The following PITPNC1 variants were observed in gnomAD, a reference collection of about 807,000 sequenced individuals.
The protein encoded by PITPNC1 is phosphatidylinositol transfer protein cytoplasmic 1.
A neutral mutation model predicts 44.7 loss-of-function variants in PITPNC1; 18 were observed. That is an observed-to-expected ratio of 0.40 (90% CI 0.28 to 0.60). The LOEUF (loss-of-function observed/expected upper bound fraction) is 0.60. PITPNC1 is among the 20% of genes least tolerant of loss of function. The probability of loss-of-function intolerance (pLI) is 0.39; values close to 1 mark genes in which losing one functional copy is unlikely to be tolerated. For synonymous variants in PITPNC1, 141 were observed against 149.6 expected (o/e 0.94, Z 0.42); for missense variants, 290 against 418.4 (o/e 0.69, Z 2.68).
intron 5 of PITPNC1, among the ~76,000 whole-genome samples, chr17:67,585,151 C>T (rs1057086549): frequency 2.0e-5 from 3 of 151,558 alleles, no homozygotes; most frequent in African/African-American, 4.8e-5. Context: ...ACAAACCAGC[C>T]CTCCATTAAT....
At chr17:67,422,148 C>T (rs1042208885) in intron 1 of PITPNC1, among the ~76,000 whole-genome samples, 1 of 152,142 alleles carries the variant, frequency 6.6e-6, no homozygotes, top group Non-Finnish European at 1.5e-5. Flanking sequence ...TGCCAACATA[C>T]GCTTCCAATG....
intron 1 of PITPNC1, among the ~76,000 whole-genome samples, chr17:67,486,686 T>A (rs1291793469): frequency 6.6e-6 from 1 of 152,102 alleles, no homozygotes. Flanking sequence ...TGTAGACACA[T>A]AACGAGGAAT....
intron 5 of PITPNC1, among the ~76,000 whole-genome samples, chr17:67,581,393 T>C (rs2041232068): frequency 6.6e-6 from 1 of 152,230 alleles, no homozygotes; most frequent in South Asian, 2.1e-4. Flanking sequence ...TCTCAGCTGT[T>C]GTAGCCTGGC....
chr17:67,659,444 C>G (rs1466552367), intron 6 of PITPNC1, among the ~76,000 whole-genome samples: 1 of 152,188 alleles, frequency 6.6e-6, no homozygotes, highest in Admixed American at 6.6e-5. Flanking sequence ...CTTGGGCCTC[C>G]TCATATCATG....
At chr17:67,421,295 T>G (rs2038669924) in intron 1 of PITPNC1, among the ~76,000 whole-genome samples, 1 of 152,142 alleles carries the variant, frequency 6.6e-6, no homozygotes, top group South Asian at 2.1e-4. Flanking sequence ...TATTTATTTA[T>G]TTTTGAGATG....
chr17:67,632,454 G>A (rs1262126247), intron 6 of PITPNC1: 1 of 549,252 alleles, frequency 1.8e-6, no homozygotes, highest in African/African-American at 1.9e-5. Context: ...TCTCCACTTA[G>A]TTTTCCTGTC....
rs183653378 is a variant in PITPNC1, at chr17:67,553,522, G to A, written c.287-88G>A. On this transcript the variant is annotated intron_variant, in intron 3 of 8. Transcript: ENST00000581322. ...GTTCGTCAGTATTTGTTAGTTCTGTGGTTTTTATATTGCATATAAGCATGA... is the reference window on the plus strand; with the variant it reads ...GTTCGTCAGTATTTGTTAGTTCTGTAGTTTTTATATTGCATATAAGCATGA... 444 of 556,332 alleles carry A rather than the reference G, an allele frequency of 8.0e-4. 2 individuals are homozygous for A. The highest frequency in any genetic ancestry group is 7.9e-3 in the African/African-American group (408 of 51,414). The allele number at this position is 556,332 out of a possible 1,614,324, so 34.5% of individuals were successfully genotyped here.
At chr17:67,497,436 T>A (rs1240918875) in intron 1 of PITPNC1, among the ~76,000 whole-genome samples, 1 of 151,546 alleles carries the variant, frequency 6.6e-6, no homozygotes, top group African/African-American at 2.4e-5. Flanking sequence ...TAAATAAAAC[T>A]TTATTTTCTT....
At chr17:67,528,610 G>A (rs1042156489) in intron 1 of PITPNC1, among the ~76,000 whole-genome samples, 1 of 152,124 alleles carries the variant, frequency 6.6e-6, no homozygotes, top group Non-Finnish European at 1.5e-5. Context: ...TATAAAGGAG[G>A]AAAAAAGAAA....
intron 5 of PITPNC1, among the ~76,000 whole-genome samples, chr17:67,617,319 A>G (rs2041772531): frequency 2.0e-5 from 3 of 152,220 alleles, no homozygotes; most frequent in Admixed American, 6.5e-5. Flanking sequence ...TAGCCTGGCC[A>G]CCATAGTGAG....
At chr17:67,497,863 CT>C (rs372628446) in intron 1 of PITPNC1, among the ~76,000 whole-genome samples, 177 of 131,576 alleles carry the variant, frequency 1.3e-3, no homozygotes, top group Non-Finnish European at 1.6e-3. Flanking sequence ...ATTTTTCTTT[CT>C]TTTTTTTTTT....
chr17:67,695,335 A>G lies in PITPNC1; in HGVS notation c.*2447A>G, dbSNP rs895642023. 2 of 152,110 alleles carry G rather than the reference A, an allele frequency of 1.3e-5. No homozygotes were observed. Among genetic ancestry groups the G allele is most frequent in the African/African-American group, 4.8e-5 (2 of 41,426 alleles). The allele number at this position is 152,110 out of a possible 1,614,324, so 9.4% of individuals were successfully genotyped here. On this transcript the variant is annotated 3_prime_UTR_variant, in exon 9 of 9. Transcript: ENST00000581322. Reference sequence around the variant, plus strand: ...GGCATAAATGACTTCAATATTTTATATATCTTGGTTTTCAAGTATCATTTC... The same window carrying G: ...GGCATAAATGACTTCAATATTTTATGTATCTTGGTTTTCAAGTATCATTTC...
intron 6 of PITPNC1, among the ~76,000 whole-genome samples, chr17:67,636,882 G>A (rs903971617): frequency 1.3e-5 from 2 of 152,196 alleles, no homozygotes; most frequent in African/African-American, 2.4e-5. Context: ...CACCACAGGA[G>A]TTTCCTTCTA....
intron 1 of PITPNC1, among the ~76,000 whole-genome samples, chr17:67,403,314 C>A (rs1406648138): frequency 6.7e-6 from 1 of 149,712 alleles, no homozygotes; most frequent in East Asian, 2.0e-4. Flanking sequence ...CAATTATATT[C>A]ATAAGGCTAA....
At chr17:67,437,559 T>C (rs2038954324) in intron 1 of PITPNC1, among the ~76,000 whole-genome samples, 1 of 152,186 alleles carries the variant, frequency 6.6e-6, no homozygotes, top group African/African-American at 2.4e-5. Context: ...ACTGTGTTTC[T>C]GCAGCCCTAG....
At chr17:67,664,967 G>A (rs993938458) in intron 6 of PITPNC1, among the ~76,000 whole-genome samples, 1 of 151,120 alleles carries the variant, frequency 6.6e-6, no homozygotes, top group South Asian at 2.1e-4. Flanking sequence ...ATATTTCATT[G>A]TGTGGATATA....
intron 5 of PITPNC1, among the ~76,000 whole-genome samples, chr17:67,620,812 G>A (rs1277352543): frequency 1.3e-5 from 2 of 152,242 alleles, no homozygotes; most frequent in East Asian, 3.9e-4. Context: ...GTTTGATGGG[G>A]ATTAAATAAA....
chr17:67,385,745 C>T (rs1020683167), intron 1 of PITPNC1, among the ~76,000 whole-genome samples: 2 of 32,760 alleles, frequency 6.1e-5, no homozygotes, highest in Admixed American at 3.6e-4. Flanking sequence ...GGCAAAGCTC[C>T]GGTTTTTTTT....
At chr17:67,589,507 G>T (rs1254417027) in intron 5 of PITPNC1, among the ~76,000 whole-genome samples, 1 of 151,316 alleles carries the variant, frequency 6.6e-6, no homozygotes, top group Non-Finnish European at 1.5e-5. Context: ...ACCTGGTGCT[G>T]AATCATGTTG....
Sources: gnomAD v4.1 joint callset for allele counts (sites outside exome capture counted in the v4.1 genomes callset) on GRCh38, gnomAD v4.1.1 for gene constraint, MANE v1.5 for transcripts, NCBI Gene and HGNC (gene_info 2026-07-23, HGNC 2026-07-21) for gene names.